Variants in CAMK1D observed in about 807,000 individuals in gnomAD.
CAMK1D encodes the protein calcium/calmodulin dependent protein kinase ID.
In CAMK1D, 9 loss-of-function variants were observed where a neutral mutation model predicts 47.7. The observed-to-expected ratio is 0.19, with a 90% confidence interval of 0.11 to 0.33. The LOEUF (loss-of-function observed/expected upper bound fraction) is 0.33, where lower values mean the gene tolerates loss of function less well. Ranked by LOEUF, CAMK1D falls within the 10% of genes least tolerant of loss-of-function variation. The pLI is 1.00. For synonymous variants in CAMK1D, 184 were observed against 184.9 expected, an observed-to-expected ratio of 0.99 and a Z score of 0.04; for missense variants, 291 against 488.7, an observed-to-expected ratio of 0.60 and a Z score of 3.81.
chr10:12,670,608 C>T (rs530367683), intron 3 of CAMK1D, among the ~76,000 whole-genome samples: 2 of 151,856 alleles, frequency 1.3e-5, no homozygotes, highest in Admixed American at 6.6e-5. Flanking sequence ...AGTGCAATGG[C>T]GTGATCTTGG....
chr10:12,670,650 C>T lies in CAMK1D; in HGVS notation c.299+3840C>T, dbSNP rs570354692. On this transcript the variant is annotated intron_variant, in intron 3 of 10. Coordinates refer to ENST00000619168, the MANE Select transcript of CAMK1D (RefSeq NM_153498.4). Reference sequence around the variant, plus strand: ...GCAACCTCTGCCTCCCGGGTTCAAGCGATTCTCCTAGCTCAGCCTCCAGAG... The same window carrying T: ...GCAACCTCTGCCTCCCGGGTTCAAGTGATTCTCCTAGCTCAGCCTCCAGAG... Among the ~76,000 whole-genome samples, 12 of 152,070 alleles carry T rather than the reference C, an allele frequency of 7.9e-5. No individual in the cohort carries two copies. The East Asian group carries it at 1.7e-3, about 22-fold the overall frequency.
intron 3 of CAMK1D, among the ~76,000 whole-genome samples, chr10:12,751,051 A>AATAAGATAAGATAAGATAAG (rs141001552): frequency 1.0e-4 from 14 of 136,454 alleles, no homozygotes; most frequent in East Asian, 8.7e-4. Flanking sequence ...CGTCTCCCCC[A>AATAAGATAAGATAAGATAAG]ATAAGATAAG....
At chr10:12,382,329 T>C (rs1006767651) in intron 1 of CAMK1D, among the ~76,000 whole-genome samples, 1 of 152,114 alleles carries the variant, frequency 6.6e-6, no homozygotes, top group Admixed American at 6.6e-5. Flanking sequence ...GTAATGATAA[T>C]GTATGTGAAA....
intron 6 of CAMK1D, among the ~76,000 whole-genome samples, chr10:12,805,014 A>G: frequency 6.6e-6 from 1 of 151,062 alleles, no homozygotes; most frequent in East Asian, 2.0e-4. Flanking sequence ...TAATCCCAGC[A>G]CTTTGGGAGG....
chr10:12,701,478 G>A (rs1035008784), intron 3 of CAMK1D, among the ~76,000 whole-genome samples: 1 of 152,110 alleles, frequency 6.6e-6, no homozygotes, highest in African/African-American at 2.4e-5. Context: ...GGCTGGCCTG[G>A]GGATGGGGAG....
At chr10:12,423,840 G>A (rs996881165) in intron 1 of CAMK1D, among the ~76,000 whole-genome samples, 17 of 152,260 alleles carry the variant, frequency 1.1e-4, no homozygotes, top group African/African-American at 4.1e-4. Flanking sequence ...TCTAGAAAAA[G>A]GCCCTGAGTG....
rs77468730 is a variant in CAMK1D at position 12,658,269 on chromosome 10, C to T, written c.225-8467C>T. ...ATGAGTCTTAAAGGATGAGTATTTT[C>T]GTAAGAAGACAGGAGAGTGATGAGC... On this transcript the variant is annotated intron_variant, in intron 2 of 10. Transcript: ENST00000619168. Among the ~76,000 whole-genome samples the T allele has an allele frequency of 2.4e-3, 364 of 152,176 alleles. 1 individual carries two copies. The highest frequency in any genetic ancestry group is 8.3e-3 in the African/African-American group (345 of 41,512).
At chr10:12,362,943 C>CTG (rs1837721094) in intron 1 of CAMK1D, among the ~76,000 whole-genome samples, 1 of 135,296 alleles carries the variant, frequency 7.4e-6, no homozygotes. Context: ...CCCGCCCGGC[C>CTG]TTTTTTTTTT....
chr10:12,641,224 C>T (rs554896685), intron 2 of CAMK1D, among the ~76,000 whole-genome samples: 4 of 152,332 alleles, frequency 2.6e-5, no homozygotes, highest in African/African-American at 9.6e-5. Flanking sequence ...CTGCCTTGGT[C>T]TCCCACAGTG....
chr10:12,822,417 G>C (rs1833047880), intron 8 of CAMK1D, among the ~76,000 whole-genome samples: 1 of 152,226 alleles, frequency 6.6e-6, no homozygotes, highest in African/African-American at 2.4e-5. Flanking sequence ...AAAATAATTA[G>C]AAGCTTCTGT....
Position 12,825,862 on chromosome 10 carries a change from T to C in CAMK1D, c.1039+172T>C, listed in dbSNP as rs12250383. ...TTTAACATGTAATCACTGGGCTGGG[T>C]GCAGTGGCTCACGCCTGTAATCCCA... On this transcript the variant is annotated intron_variant, in intron 10 of 10. Coordinates refer to ENST00000619168, the MANE Select transcript of CAMK1D (RefSeq NM_153498.4). 9.2e-3 allele frequency: 9,840 copies of C among 1,074,672 alleles called. 628 individuals carry two copies. The African/African-American group carries it at 0.14, about 15-fold the overall frequency. 66.6% of individuals were successfully genotyped at this position (1,074,672 alleles called of 1,614,324 possible).
At chr10:12,570,047 A>C (rs1247464198) in intron 2 of CAMK1D, among the ~76,000 whole-genome samples, 1 of 152,048 alleles carries the variant, frequency 6.6e-6, no homozygotes, top group East Asian at 1.9e-4. Context: ...TAAAAATACA[A>C]AAAGTAGCTG....
In CAMK1D at chr10:12,453,421, C is replaced by T. The variant is rs540817480; in HGVS notation, c.93-99804C>T. Among the ~76,000 whole-genome samples the T allele has an allele frequency of 2.0e-5, 3 of 152,192 alleles. No individual in the cohort carries two copies. In the South Asian group the frequency reaches 6.2e-4, roughly 32 times the overall value. ...GCCAGGCTGGTCTTGAACTCCTGAC[C>T]TCATGATCCGCCTGCCTCGGCCTCC... is the stretch of plus-strand genomic sequence containing the variant. On this transcript the variant is annotated intron_variant, in intron 1 of 10. Transcript: ENST00000619168.
intron 1 of CAMK1D, among the ~76,000 whole-genome samples, chr10:12,385,856 C>G (rs1316714485): frequency 6.7e-6 from 1 of 148,924 alleles, no homozygotes; most frequent in Non-Finnish European, 1.5e-5. Context: ...AAGCGATTCT[C>G]TTGCCTCAGC....
intron 2 of CAMK1D, among the ~76,000 whole-genome samples, chr10:12,618,824 A>G (rs976162377): frequency 6.6e-6 from 1 of 152,240 alleles, no homozygotes; most frequent in Non-Finnish European, 1.5e-5. Flanking sequence ...TATTTGTCAT[A>G]TACCAATCAG....
intron 1 of CAMK1D, among the ~76,000 whole-genome samples, chr10:12,527,968 A>T: frequency 6.6e-6 from 1 of 152,206 alleles, no homozygotes; most frequent in South Asian, 2.1e-4. Flanking sequence ...ATTTTTAAAA[A>T]CTTTTTTATT....
chr10:12,457,203 C>T (rs1322268865), intron 1 of CAMK1D, among the ~76,000 whole-genome samples: 1 of 152,094 alleles, frequency 6.6e-6, no homozygotes, highest in Non-Finnish European at 1.5e-5. Context: ...CCAGCCTGAC[C>T]AACATGGTGA....
chr10:12,750,381 T>C (rs1168329577), intron 3 of CAMK1D, among the ~76,000 whole-genome samples: 4 of 152,170 alleles, frequency 2.6e-5, no homozygotes, highest in African/African-American at 7.2e-5. Flanking sequence ...AATGGATGAT[T>C]ATTAAAATGC....
At chr10:12,541,200 A>G (rs751134291) in intron 1 of CAMK1D, among the ~76,000 whole-genome samples, 1 of 152,198 alleles carries the variant, frequency 6.6e-6, no homozygotes, top group South Asian at 2.1e-4. Context: ...AATTAGCACT[A>G]CAAAATGTCA....
Sources: gnomAD v4.1 joint callset for allele counts (sites outside exome capture counted in the v4.1 genomes callset) on GRCh38, gnomAD v4.1.1 for gene constraint, MANE v1.5 for transcripts, NCBI Gene and HGNC (gene_info 2026-07-23, HGNC 2026-07-21) for gene names.